EHBP1: variants seen among roughly 807,000 people sequenced by gnomAD.
EHBP1 encodes EH domain binding protein 1.
In EHBP1, 55 loss-of-function variants were observed where a neutral mutation model predicts 144.0. The ratio of observed to expected loss-of-function variants is 0.38; its 90% CI spans 0.31 to 0.48. The LOEUF (loss-of-function observed/expected upper bound fraction) is 0.48. Among genes scored for constraint, EHBP1 ranks in the 20% least tolerant of loss-of-function variants. The pLI, the probability that EHBP1 is intolerant of heterozygous loss-of-function variation, is 0.98. For synonymous variants in EHBP1, 469 were observed against 472.7 expected (o/e 0.99, Z 0.10); for missense variants, 1,200 against 1,364.2 (o/e 0.88, Z 1.90).
chr2:62,832,189 A>T (rs570504274), intron 7 of EHBP1, among the ~76,000 whole-genome samples: 1 of 152,214 alleles, frequency 6.6e-6, no homozygotes, highest in Non-Finnish European at 1.5e-5. Context: ...TTGTTTATTT[A>T]TTTCTAGTTT....
chr2:62,856,742 A>G (rs1387886001), intron 7 of EHBP1, among the ~76,000 whole-genome samples: 2 of 152,236 alleles, frequency 1.3e-5, no homozygotes, highest in African/African-American at 4.8e-5. Context: ...CACACACATT[A>G]AGTGAGCACA....
intron 2 of EHBP1, among the ~76,000 whole-genome samples, chr2:62,722,523 C>T (rs1016593556): frequency 2.0e-5 from 3 of 151,986 alleles, no homozygotes; most frequent in African/African-American, 7.2e-5. Context: ...ATCTATAAGC[C>T]TAATTCAGAT....
intron 14 of EHBP1, among the ~76,000 whole-genome samples, chr2:62,969,601 A>G (rs2058402668): frequency 1.3e-5 from 2 of 152,160 alleles, no homozygotes; most frequent in South Asian, 2.1e-4. Flanking sequence ...TATTCTGTTT[A>G]CTATTTTTCC....
At chr2:62,835,971 G>C (rs1042447718) in intron 7 of EHBP1, among the ~76,000 whole-genome samples, 4 of 151,696 alleles carry the variant, frequency 2.6e-5, no homozygotes, top group African/African-American at 4.8e-5. Context: ...CCGGAAGCTC[G>C]AACTGGGTGG....
intron 19 of EHBP1, among the ~76,000 whole-genome samples, chr2:63,028,483 T>C (rs573582067): frequency 2.0e-3 from 306 of 152,182 alleles, no homozygotes; most frequent in Non-Finnish European, 3.3e-3. Context: ...TTCCACAGGC[T>C]GGCCTTGAAC....
intron 8 of EHBP1, among the ~76,000 whole-genome samples, 160 bp downstream of exon 8, chr2:62,859,451 C>G (rs2049334231): frequency 6.6e-6 from 1 of 152,102 alleles, no homozygotes; most frequent in Admixed American, 6.5e-5. Context: ...ATCAGCAATT[C>G]TGGGTCACTT....
intron 6 of EHBP1, among the ~76,000 whole-genome samples, chr2:62,830,318 T>A (rs182582879): frequency 1.3e-5 from 2 of 152,010 alleles, no homozygotes; most frequent in African/African-American, 4.8e-5. Context: ...GTGTTTTTAG[T>A]AGAGATGGGG....
At chr2:62,777,394 C>CTATTTTGCAATATTTTATATGG (rs148671113) in intron 5 of EHBP1, among the ~76,000 whole-genome samples, 1,576 of 152,242 alleles carry the variant, frequency 0.01, 29 homozygotes, top group East Asian at 0.066. Flanking sequence ...TTTATTCAAC[C>CTATTTTGCAATATTTTATATGG]ATTCTGCAAT....
At chr2:62,966,529 G>A (rs2058255471) in intron 14 of EHBP1, among the ~76,000 whole-genome samples, 1 of 152,154 alleles carries the variant, frequency 6.6e-6, no homozygotes, top group Non-Finnish European at 1.5e-5. Context: ...CTGTGCAGTA[G>A]AAGTGTAACT....
intron 19 of EHBP1, among the ~76,000 whole-genome samples, chr2:63,011,876 T>C (rs541284219): frequency 2.0e-5 from 3 of 152,150 alleles, no homozygotes; most frequent in African/African-American, 7.2e-5. Context: ...TCAGTCATTA[T>C]GACTGTAGTA....
chr2:62,840,832 A>T (rs1440864440), intron 7 of EHBP1, among the ~76,000 whole-genome samples: 1 of 152,010 alleles, frequency 6.6e-6, no homozygotes, highest in Non-Finnish European at 1.5e-5. Flanking sequence ...TTAAAAAGTC[A>T]GGAAACAACA....
At chr2:63,026,387 G>A (rs893476512) in intron 19 of EHBP1, among the ~76,000 whole-genome samples, 4 of 148,256 alleles carry the variant, frequency 2.7e-5, no homozygotes, top group South Asian at 4.5e-4. Flanking sequence ...AACAATAATA[G>A]CAATATCATA....
At chr2:63,013,995 A>G (rs1440285987) in intron 19 of EHBP1, among the ~76,000 whole-genome samples, 2 of 152,224 alleles carry the variant, frequency 1.3e-5, no homozygotes, top group South Asian at 2.1e-4. Context: ...TTCACAGTGA[A>G]TGTTTAGTGG....
At position 62,929,195 on chromosome 2, in the gene EHBP1, A is replaced by C. The variant is rs1018605090; in HGVS notation, c.1186-13523A>C. Among the ~76,000 whole-genome samples, 6 of 152,332 alleles carry C rather than the reference A, an allele frequency of 3.9e-5. No individual in the cohort carries two copies. In the East Asian group the frequency reaches 5.8e-4, roughly 15 times the overall value. Reference sequence around the variant, plus strand: ...ACACTAATTCTTCTCAAACGTTTCCAAAACATTGGAGAGGGAATACTCCTT... The same window carrying C: ...ACACTAATTCTTCTCAAACGTTTCCCAAACATTGGAGAGGGAATACTCCTT... On this transcript the variant is annotated intron_variant, in intron 10 of 22. Coordinates refer to ENST00000431489, the MANE Select transcript of EHBP1 (RefSeq NM_001142616.3).
intron 11 of EHBP1, among the ~76,000 whole-genome samples, chr2:62,943,328 A>G (rs1483541129): frequency 7.0e-6 from 1 of 142,860 alleles, no homozygotes; most frequent in African/African-American, 2.6e-5. Context: ...ATGAGCCAAG[A>G]TCGTGCCATT....
chr2:62,786,824 G>A (rs920043205), intron 5 of EHBP1, among the ~76,000 whole-genome samples: 2 of 152,202 alleles, frequency 1.3e-5, no homozygotes, highest in African/African-American at 4.8e-5. Flanking sequence ...GGCCAGCTCT[G>A]CAGAGTGGGC....
intron 14 of EHBP1, among the ~76,000 whole-genome samples, chr2:62,971,215 A>C (rs2058481045): frequency 6.6e-6 from 1 of 152,202 alleles, no homozygotes; most frequent in Non-Finnish European, 1.5e-5. Context: ...TTTCAAATCC[A>C]TTGGATTGAA....
chr2:62,815,044 G>A (rs1343142495), intron 5 of EHBP1, among the ~76,000 whole-genome samples: 1 of 152,148 alleles, frequency 6.6e-6, no homozygotes, highest in East Asian at 1.9e-4. Context: ...AACAATAATA[G>A]TAATAACTGG....
intron 2 of EHBP1, among the ~76,000 whole-genome samples, chr2:62,740,793 A>G (rs1225803334): frequency 6.6e-6 from 1 of 152,156 alleles, no homozygotes. Flanking sequence ...CCAAGTTTTG[A>G]GGTACAGCTA....
Sources: allele counts gnomAD v4.1 joint callset (sites outside exome capture counted in the v4.1 genomes callset), GRCh38; gene constraint gnomAD v4.1.1; transcripts MANE v1.5; gene names NCBI Gene and HGNC (gene_info 2026-07-23, HGNC 2026-07-21).